The following POMT1 variants were observed in gnomAD, a reference collection of about 807,000 sequenced individuals.
The protein encoded by POMT1 is protein O-mannosyltransferase 1.
A neutral mutation model predicts 101.6 loss-of-function variants in POMT1; 85 were observed. That is an observed-to-expected ratio of 0.84 (90% CI 0.70 to 1.00). The LOEUF is 1.00. Ranked by LOEUF, POMT1 falls within the 50% of genes least tolerant of loss-of-function variation. The pLI is 0.00. For missense variants in POMT1, 857 were observed against 930.4 expected, an observed-to-expected ratio of 0.92 and a Z score of 1.03; for synonymous variants, 371 against 383.0, an observed-to-expected ratio of 0.97 and a Z score of 0.37.
At chr9:131,511,898 A>G (rs1271692275) in intron 10 of POMT1, 143 bp from the exon 11 acceptor site, 2 of 791,008 alleles carry the variant, frequency 2.5e-6, no homozygotes, top group South Asian at 1.5e-5. Flanking sequence ...ATAAATAGAC[A>G]CAGGGTCTCA....
Position 131,518,542 on chromosome 9 carries a change from G to GGA in POMT1, c.1365+6_1365+7dup. Reference sequence around the variant, plus strand: ...AACACTTCCGCTGTCTTAAAGGTAAGGACACTGTCCGTGGCTTGGCCTGTC... The same window carrying GGA: ...AACACTTCCGCTGTCTTAAAGGTAAGGAGACACTGTCCGTGGCTTGGCCTGTC... On this transcript the variant is annotated splice_donor_region_variant and intron_variant, in intron 14 of 19. Coordinates refer to ENST00000402686, the MANE Select transcript of POMT1 (RefSeq NM_001077365.2). The GGA allele has an allele frequency of 6.2e-7, 1 of 1,612,248 alleles. No homozygotes were observed. Among genetic ancestry groups the GGA allele is most frequent in the Non-Finnish European group, 8.5e-7 (1 of 1,178,550 alleles).
rs912474615 is a variant in POMT1 at position 131,503,708 on chromosome 9, A to T, written c.-30-481A>T. Among the ~76,000 whole-genome samples the T allele has an allele frequency of 6.6e-6, 1 of 152,126 alleles. No homozygotes were observed. The highest frequency in any genetic ancestry group is 1.5e-5 in the Non-Finnish European group (1 of 68,006). ...CACCCGGGGATGATGTGCCGCTGGG[A>T]TAGAAGGCAGGGAGGCACTGGGGGC... On this transcript the variant is annotated intron_variant, in intron 1 of 19. Coordinates refer to ENST00000402686, the MANE Select transcript of POMT1 (RefSeq NM_001077365.2). The surrounding 1 kb of genome is among the most constrained non-coding windows in gnomAD (Gnocchi z 4.4).
chr9:131,522,277 AAGCCCATGCGC>A lies in POMT1; in HGVS notation c.2003+57_2003+67del, dbSNP rs1950092311. On this transcript the variant is annotated intron_variant, in intron 19 of 19. Coordinates refer to ENST00000402686, the MANE Select transcript of POMT1 (RefSeq NM_001077365.2). This position sits in a 1 kb window ranked among gnomAD's most constrained non-coding sequence, Gnocchi z 5.5. ...GACCGGGCAGCAGCCCTCTGCTGGG[AAGCCCATGCGC>A]AGCAAACACATGGGGTGCAGCGAAC... 6.2e-7 allele frequency: 1 copy of A among 1,606,014 alleles called. No individual in the cohort carries two copies. Among genetic ancestry groups the A allele is most frequent in the Non-Finnish European group, 8.5e-7 (1 of 1,179,610 alleles).
chr9:131,518,262 C>G, intron 13 of POMT1, 183 bp from the exon 14 acceptor site: 1 of 736,314 alleles, frequency 1.4e-6, no homozygotes, highest in South Asian at 1.4e-5. Flanking sequence ...CTCGGAGCAG[C>G]CCGGGGTGCT....
rs919684184 is a variant in POMT1, at chr9:131,503,974, C to T, written c.-30-215C>T. On this transcript the variant is annotated intron_variant, in intron 1 of 19. Transcript: ENST00000402686. The surrounding 1 kb of genome is among the most constrained non-coding windows in gnomAD (Gnocchi z 4.4). ...TGAGTTGTTGAAAGGAGTGAATGTC[C>T]AGTCCTGAGATCCCCTGAATTCCCA... 2.0e-5 allele frequency among the ~76,000 whole-genome samples: 3 copies of T among 152,180 alleles called. No individual in the cohort carries two copies. The highest frequency in any genetic ancestry group is 4.4e-5 in the Non-Finnish European group (3 of 68,026).
chr9:131,505,979 T>A, intron 2 of POMT1, 135 bp from the exon 3 acceptor site: 1 of 1,222,924 alleles, frequency 8.2e-7, no homozygotes, highest in Non-Finnish European at 1.2e-6. Flanking sequence ...GGGAAACAAT[T>A]GGGGCAAAAG....
chr9:131,504,128 G>A, intron 1 of POMT1, 61 bp from the exon 2 acceptor site: 1 of 1,600,978 alleles, frequency 6.2e-7, no homozygotes, highest in Middle Eastern at 1.8e-4. Flanking sequence ...GGGTGGCTGG[G>A]GATCCCTTCT....
intron 10 of POMT1, chr9:131,511,839 C>T (rs1414809428): frequency 3.2e-6 from 2 of 628,110 alleles, no homozygotes; most frequent in South Asian, 1.9e-5. Context: ...TGGGCCCGAT[C>T]GATGACCCAC....
At chr9:131,508,774 A>G in intron 5 of POMT1, 137 bp from the exon 6 acceptor site, 1 of 694,980 alleles carries the variant, frequency 1.4e-6, no homozygotes, top group African/African-American at 1.8e-5. Flanking sequence ...TTGTGTCTAT[A>G]GAATGTTTTA....
chr9:131,511,858 AC>A, intron 10 of POMT1, 182 bp from the exon 11 acceptor site: 1 of 665,316 alleles, frequency 1.5e-6, no homozygotes, highest in Non-Finnish European at 2.6e-6. Context: ...ACTTCCAGAT[AC>A]GTTTCTTTCC....
At chr9:131,512,529 C>G (rs940696123) in intron 11 of POMT1, among the ~76,000 whole-genome samples, 1 of 152,190 alleles carries the variant, frequency 6.6e-6, no homozygotes, top group South Asian at 2.1e-4. Context: ...CTAGCTGTCC[C>G]GGTCACTGTC....
In POMT1 at chr9:131,518,871, G is replaced by A. The variant is rs139982268; in HGVS notation, c.1400G>A (p.Arg467Gln). 11 of 1,613,896 alleles carry A rather than the reference G, an allele frequency of 6.8e-6. No individual in the cohort carries two copies. The highest frequency in any genetic ancestry group is 6.7e-5 in the African/African-American group (5 of 74,930). ...SGAHLPDWGY[R>Q]QLEIVGEKLS... The stretch of plus-strand genomic sequence containing the variant: ...GCTCACCTCCCTGACTGGGGGTATC[G>A]GCAACTGGAGATCGTCGGGGAGAAG... Residue 467 changes from arginine to glutamine, a missense_variant, in exon 15 of 20, where the codon CGG becomes CAG. Transcript: ENST00000402686.
Position 131,504,167 on chromosome 9 carries a change from C to T in POMT1, c.-30-22C>T, listed in dbSNP as rs1023184273. The T allele has an allele frequency of 2.5e-6, 4 of 1,613,542 alleles. No individual in the cohort carries two copies. In the East Asian group the frequency reaches 6.7e-5, roughly 27 times the overall value. On this transcript the variant is annotated intron_variant, in intron 1 of 19. Coordinates refer to ENST00000402686, the MANE Select transcript of POMT1 (RefSeq NM_001077365.2). ...GCCTCTCGTGAGCCCTCATGGACCA[C>T]GGCTCCTCCCTTCTTTTCTAGGGCG...
intron 18 of POMT1, 77 bp from the exon 19 acceptor site, chr9:131,521,970 T>A: frequency 6.2e-7 from 1 of 1,602,582 alleles, no homozygotes; most frequent in Non-Finnish European, 8.5e-7. Flanking sequence ...GAACCCTCTC[T>A]CTAAAAAAGC....
In POMT1 at chr9:131,513,733, T is replaced by C. The variant is rs576110655; in HGVS notation, c.1175+402T>C. Among the ~76,000 whole-genome samples the C allele has an allele frequency of 7.7e-4, 117 of 152,282 alleles. 1 individual carries two copies. The highest frequency in any genetic ancestry group is 2.7e-3 in the African/African-American group (112 of 41,548). ...AGAAGCCTGGAAGCTCGGGCACGAG[T>C]GGAGCCGTGAAGGCTTCTTCCTTCT... is the stretch of plus-strand genomic sequence containing the variant. On this transcript the variant is annotated intron_variant, in intron 12 of 19. Coordinates refer to ENST00000402686, the MANE Select transcript of POMT1 (RefSeq NM_001077365.2).
At position 131,519,420 on chromosome 9, in the gene POMT1, G is replaced by A. The variant is rs1949452424; in HGVS notation, c.1518G>A (p.Leu506=). ...AGCAGAGGGAGCGGGAACGGGAGCT[G>A]CACTCACCTGCGCAGGTGGACGTCA... ...SQEQRERERE[L]HSPAQVDVSR... The change falls in exon 16 of 20, where the codon CTG becomes CTA. Residue 506 remains leucine, a synonymous_variant. Transcript: ENST00000402686. This position sits in a 1 kb window ranked among gnomAD's most constrained non-coding sequence, Gnocchi z 4.3. 6.4e-7 allele frequency: 1 copy of A among 1,551,992 alleles called. No homozygotes were observed. Among genetic ancestry groups the A allele is most frequent in the South Asian group, 1.2e-5 (1 of 84,102 alleles).
At chr9:131,508,296 G>A (rs1946306091) in intron 5 of POMT1, among the ~76,000 whole-genome samples, 1 of 151,872 alleles carries the variant, frequency 6.6e-6, no homozygotes, top group African/African-American at 2.4e-5. Context: ...ACTTTGGGAG[G>A]CTGAGGCGGG....
Position 131,519,882 on chromosome 9 carries a change from G to A in POMT1, c.1585-198G>A, listed in dbSNP as rs756878125. ...ACAGAGGAGGTAACTGGAGCACATA[G>A]GGTGGGGCGACCCTCCCAAGGCCAC... On this transcript the variant is annotated intron_variant, in intron 16 of 19. Transcript: ENST00000402686. This position sits in a 1 kb window ranked among gnomAD's most constrained non-coding sequence, Gnocchi z 4.3. Among the ~76,000 whole-genome samples the A allele has an allele frequency of 4.6e-5, 7 of 152,186 alleles. No individual in the cohort carries two copies. The highest frequency in any genetic ancestry group is 6.5e-5 in the Admixed American group (1 of 15,274).
chr9:131,514,381 C>T (rs760181072), intron 12 of POMT1, among the ~76,000 whole-genome samples: 1 of 152,230 alleles, frequency 6.6e-6, no homozygotes, highest in Non-Finnish European at 1.5e-5. Context: ...ACACTTGCTC[C>T]CTCTGCGAGA....
Sources: allele counts gnomAD v4.1 joint callset (sites outside exome capture counted in the v4.1 genomes callset), GRCh38; gene constraint gnomAD v4.1.1; non-coding constraint Gnocchi (gnomAD v3.1); transcripts MANE v1.5; gene names NCBI Gene and HGNC (gene_info 2026-07-23, HGNC 2026-07-21).